The following TNFRSF8 variants were observed in gnomAD, a reference collection of about 807,000 sequenced individuals.
The protein encoded by TNFRSF8 is TNF receptor superfamily member 8, also known as tumor necrosis factor receptor superfamily member 8.
In TNFRSF8, 26 loss-of-function variants were observed where a neutral mutation model predicts 70.8. The ratio of observed to expected loss-of-function variants is 0.37; its 90% CI spans 0.27 to 0.51. The LOEUF (loss-of-function observed/expected upper bound fraction) is 0.51. Among genes scored for constraint, TNFRSF8 ranks in the 20% least tolerant of loss-of-function variants. The pLI, the probability that TNFRSF8 is intolerant of heterozygous loss-of-function variation, is 0.94. For missense variants in TNFRSF8, 720 were observed against 807.9 expected, an observed-to-expected ratio of 0.89 and a Z score of 1.32; for synonymous variants, 356 against 339.2, an observed-to-expected ratio of 1.05 and a Z score of -0.54.
At chr1:12,093,577 G>A (rs946956031) in intron 2 of TNFRSF8, among the ~76,000 whole-genome samples, 1 of 151,964 alleles carries the variant, frequency 6.6e-6, no homozygotes, top group African/African-American at 2.4e-5. Context: ...GTCTTGCTTC[G>A]TTGTCCAGGC....
At position 12,142,667 on chromosome 1, in the gene TNFRSF8, C is replaced by T. The variant is rs189861783; in HGVS notation, c.*136C>T. The T allele has an allele frequency of 3.2e-4, 393 of 1,229,028 alleles. 2 individuals are homozygous for T. The African/African-American group carries it at 4.8e-3, about 15-fold the overall frequency. The allele number at this position is 1,229,028 out of a possible 1,614,324, so 76.1% of individuals were successfully genotyped here. On this transcript the variant is annotated 3_prime_UTR_variant, in exon 15 of 15. Transcript: ENST00000263932. The surrounding 1 kb of genome is among the most constrained non-coding windows in gnomAD (Gnocchi z 5.0). ...CTCCAGCATCTAGTGGTGGACCGGCCGGTCACTGCAGGGGTCTGGTGGTCT... is the reference window on the plus strand; with the variant it reads ...CTCCAGCATCTAGTGGTGGACCGGCTGGTCACTGCAGGGGTCTGGTGGTCT...
At chr1:12,126,319 CTG>C (rs2101030522) in intron 12 of TNFRSF8, 83 bp downstream of exon 12, 1 of 1,520,968 alleles carries the variant, frequency 6.6e-7, no homozygotes, top group East Asian at 2.3e-5. Flanking sequence ...GCTCCAGAGA[CTG>C]AACTTCTACC....
chr1:12,097,979 T>C (rs1194336044), intron 3 of TNFRSF8, among the ~76,000 whole-genome samples: 1 of 152,230 alleles, frequency 6.6e-6, no homozygotes, highest in Non-Finnish European at 1.5e-5. Flanking sequence ...TGTGTTAAAA[T>C]CTTATCTCCC....
intron 12 of TNFRSF8, among the ~76,000 whole-genome samples, chr1:12,133,753 A>G (rs1234227079): frequency 6.8e-6 from 1 of 147,218 alleles, no homozygotes. Flanking sequence ...AAAAAAAAAA[A>G]AAAAAAAAAT....
In TNFRSF8 at chr1:12,063,549, C is replaced by T. The variant is rs1259433967; in HGVS notation, c.-50C>T. On this transcript the variant is annotated 5_prime_UTR_variant, in exon 1 of 15. Coordinates refer to ENST00000263932, the MANE Select transcript of TNFRSF8 (RefSeq NM_001243.5). The surrounding 1 kb of genome is among the most constrained non-coding windows in gnomAD (Gnocchi z 7.2). ...ACGTGGGCGCCGCGCGCTTCCCCCG[C>T]TTCCCAGGTGGGCGCCGGCCGCCAG... 4 of 1,296,428 alleles carry T rather than the reference C, an allele frequency of 3.1e-6. No individual in the cohort carries two copies. The African/African-American group carries it at 6.2e-5, about 20-fold the overall frequency. 80.3% of individuals were successfully genotyped at this position (1,296,428 alleles called of 1,614,324 possible).
chr1:12,075,613 A>G (rs1461049095), intron 1 of TNFRSF8, among the ~76,000 whole-genome samples: 1 of 152,182 alleles, frequency 6.6e-6, no homozygotes, highest in African/African-American at 2.4e-5. Context: ...CCTCGATGCC[A>G]TCTACCACCC....
chr1:12,084,209 T>G (rs964734827), intron 1 of TNFRSF8, among the ~76,000 whole-genome samples: 1 of 152,122 alleles, frequency 6.6e-6, no homozygotes, highest in Non-Finnish European at 1.5e-5. Context: ...GATTATGGTA[T>G]GAAAAGGGCC....
At chr1:12,084,440 T>C in intron 1 of TNFRSF8, 24 bp from the exon 2 acceptor site, 1 of 1,611,438 alleles carries the variant, frequency 6.2e-7, no homozygotes. Context: ...CCACCTGGCC[T>C]CACCAGCTTT....
intron 4 of TNFRSF8, among the ~76,000 whole-genome samples, chr1:12,105,405 C>T (rs965986721): frequency 7.2e-5 from 11 of 152,074 alleles, no homozygotes; most frequent in South Asian, 2.1e-4. Context: ...AGCCCATCCT[C>T]GAGTCCTGTA....
intron 2 of TNFRSF8, among the ~76,000 whole-genome samples, chr1:12,090,939 G>A (rs1430584904): frequency 6.6e-6 from 1 of 152,192 alleles, no homozygotes; most frequent in African/African-American, 2.4e-5. Flanking sequence ...AGGCAATTGA[G>A]TTAAAATAAG....
At chr1:12,103,361 A>G (rs1354167586) in intron 3 of TNFRSF8, among the ~76,000 whole-genome samples, 2 of 152,188 alleles carry the variant, frequency 1.3e-5, no homozygotes, top group African/African-American at 2.4e-5. Flanking sequence ...TCTTAAAAAA[A>G]AAAAAATTAA....
chr1:12,097,272 C>G (rs1570020917), intron 3 of TNFRSF8, 55 bp downstream of exon 3: 2 of 1,343,332 alleles, frequency 1.5e-6, no homozygotes, highest in Middle Eastern at 1.8e-4. Flanking sequence ...GAGGGGTCCT[C>G]AGAGGAGAGG....
chr1:12,126,360 C>T, intron 12 of TNFRSF8, 124 bp downstream of exon 12: 3 of 1,116,162 alleles, frequency 2.7e-6, no homozygotes, highest in South Asian at 2.6e-5. Flanking sequence ...GTCTGTGGCT[C>T]CTGTCGCATT....
chr1:12,106,020 T>C (rs1388408137), intron 4 of TNFRSF8, among the ~76,000 whole-genome samples: 1 of 152,030 alleles, frequency 6.6e-6, no homozygotes, highest in Non-Finnish European at 1.5e-5. Flanking sequence ...TGACCTGCCT[T>C]CTTCTCTTCA....
intron 8 of TNFRSF8, among the ~76,000 whole-genome samples, chr1:12,118,957 C>T (rs193054053): frequency 4.7e-4 from 71 of 152,202 alleles, no homozygotes; most frequent in African/African-American, 1.6e-3. Context: ...CTCCACCTCC[C>T]GGGTTCAAGC....
At chr1:12,098,456 G>C (rs564805147) in intron 3 of TNFRSF8, among the ~76,000 whole-genome samples, 1 of 152,084 alleles carries the variant, frequency 6.6e-6, no homozygotes, top group Non-Finnish European at 1.5e-5. Context: ...TGGCTGACAC[G>C]CCTCTACCTC....
intron 2 of TNFRSF8, among the ~76,000 whole-genome samples, chr1:12,087,569 C>T (rs184817642): frequency 5.9e-5 from 9 of 152,318 alleles, no homozygotes. Context: ...GAGGCCTTCC[C>T]TTGCTAGCCT....
At chr1:12,130,178 G>A (rs1642022529) in intron 12 of TNFRSF8, among the ~76,000 whole-genome samples, 1 of 152,212 alleles carries the variant, frequency 6.6e-6, no homozygotes, top group Non-Finnish European at 1.5e-5. Flanking sequence ...AAAGTTCAGG[G>A]ATGACAGGCG....
chr1:12,073,395 C>T (rs545688693), intron 1 of TNFRSF8, among the ~76,000 whole-genome samples: 1 of 151,986 alleles, frequency 6.6e-6, no homozygotes, highest in Non-Finnish European at 1.5e-5. Context: ...AGCTGGGCCC[C>T]GCTTCCTTTT....
Sources: allele counts gnomAD v4.1 joint callset (sites outside exome capture counted in the v4.1 genomes callset), GRCh38; gene constraint gnomAD v4.1.1; non-coding constraint Gnocchi (gnomAD v3.1); transcripts MANE v1.5; gene names NCBI Gene and HGNC (gene_info 2026-07-23, HGNC 2026-07-21).